RRP12: variants seen among roughly 807,000 people sequenced by gnomAD.
RRP12 encodes RRP12-like protein.
RRP12 carries 78 observed loss-of-function variants against 157.3 expected under a neutral mutation model. The ratio of observed to expected loss-of-function variants is 0.50; its 90% confidence interval spans 0.41 to 0.60. RRP12 has a LOEUF of 0.60. RRP12 is among the 20% of genes least tolerant of loss of function. RRP12 has a pLI of 0.00. For synonymous variants in RRP12, 726 were observed against 670.9 expected (o/e 1.08, Z -1.27); for missense variants, 1,521 against 1,679.9 (o/e 0.91, Z 1.65).
intron 15 of RRP12, among the ~76,000 whole-genome samples, chr10:97,374,463 C>T (rs1297765411): frequency 1.3e-5 from 2 of 151,888 alleles, no homozygotes; most frequent in Non-Finnish European, 2.9e-5. Context: ...CACCCAGCCA[C>T]ATGCCCACTT....
intron 6 of RRP12, among the ~76,000 whole-genome samples, chr10:97,388,966 A>G (rs1844719160): frequency 1.3e-5 from 2 of 152,212 alleles, no homozygotes; most frequent in Non-Finnish European, 2.9e-5. Context: ...CAAGCCAGGC[A>G]CTGTTCTAGG....
chr10:97,401,308 G>A lies in RRP12; in HGVS notation c.-77C>T. The A allele has an allele frequency of 6.4e-7, 1 of 1,572,190 alleles. No individual in the cohort carries two copies. The highest frequency in any genetic ancestry group is 8.7e-7 in the Non-Finnish European group (1 of 1,146,364). On this transcript the variant is annotated 5_prime_UTR_variant, in exon 1 of 34. Transcript: ENST00000370992. ...GTAGAAACACGCTCAGAACCCACGTGGATACCCTGTAGCCTTCACTTCCTC... is the reference window on the plus strand; with the variant it reads ...GTAGAAACACGCTCAGAACCCACGTAGATACCCTGTAGCCTTCACTTCCTC...
rs140078350 is a variant in RRP12, at chr10:97,373,651, G to T, written c.1950C>A (p.Ala650=). The change falls in exon 17 of 34, where the codon GCC becomes GCA. Residue 650 remains alanine (A), a synonymous_variant. Coordinates refer to ENST00000370992, the MANE Select transcript of RRP12 (RefSeq NM_015179.4). ...CCCTCAGGTCTGGACGCTCGCTGAT[G>T]GCCATGCCCAGCGTCCGTGCCAGCC... The part of the protein sequence containing the change: ...FKGLARTLGM[A]ISERPDLRVT... 6.2e-7 allele frequency: 1 copy of T among 1,613,732 alleles called. No homozygotes were observed. The highest frequency in any genetic ancestry group is 2.2e-5 in the East Asian group (1 of 44,888).
At chr10:97,386,636 C>T (rs900667958) in intron 8 of RRP12, among the ~76,000 whole-genome samples, 5 of 152,030 alleles carry the variant, frequency 3.3e-5, no homozygotes, top group African/African-American at 9.7e-5. Context: ...CCCTTTTAAA[C>T]AATGATCATA....
In RRP12 at chr10:97,358,583, C is replaced by G. The variant is rs761971986; in HGVS notation, c.3745G>C (p.Asp1249His). 15 of 1,613,936 alleles carry G rather than the reference C, an allele frequency of 9.3e-6. No homozygotes were observed. The East Asian group carries it at 3.3e-4, about 36-fold the overall frequency. Residue 1249 changes from aspartate (D) to histidine (H), a missense_variant, in exon 33 of 34, where the codon GAT becomes CAT. Transcript: ENST00000370992. Reference protein sequence around the residue: ...KGDVKKKGRPDPYAYIPLNRS... With the variant: ...KGDVKKKGRPHPYAYIPLNRS... ...TTGAGGGGGATGTAGGCATAGGGAT[C>G]CGGCCGGCCTTTCTTCTTCACATCA...
At chr10:97,358,385 A>G in intron 33 of RRP12, 152 bp downstream of exon 33, 1 of 672,452 alleles carries the variant, frequency 1.5e-6, no homozygotes, top group Non-Finnish European at 2.7e-6. Flanking sequence ...GGTAGGTACC[A>G]GCTACATGAT....
At chr10:97,366,377 C>T (rs1284958513) in intron 28 of RRP12, 69 bp downstream of exon 28, 1 of 1,557,010 alleles carries the variant, frequency 6.4e-7, no homozygotes, top group Admixed American at 1.9e-5. Flanking sequence ...CCACCCCCTA[C>T]CCACCACCTG....
At chr10:97,359,274 G>A (rs941821394) in intron 31 of RRP12, among the ~76,000 whole-genome samples, 6 of 152,134 alleles carry the variant, frequency 3.9e-5, no homozygotes, top group African/African-American at 1.2e-4. Flanking sequence ...TATATTCTCC[G>A]CTAACACACT....
intron 13 of RRP12, among the ~76,000 whole-genome samples, chr10:97,380,432 C>A (rs1020145823): frequency 1.3e-5 from 2 of 152,194 alleles, no homozygotes; most frequent in African/African-American, 2.4e-5. Context: ...ACTGGAGGAA[C>A]CTCCGTGGGA....
chr10:97,367,539 T>C (rs1263688061), intron 25 of RRP12, among the ~76,000 whole-genome samples: 2 of 152,218 alleles, frequency 1.3e-5, no homozygotes, highest in African/African-American at 4.8e-5. Flanking sequence ...CAGACTCATC[T>C]AATGCTGCGG....
At chr10:97,361,121 C>T (rs1040319737) in intron 30 of RRP12, among the ~76,000 whole-genome samples, 6 of 152,224 alleles carry the variant, frequency 3.9e-5, no homozygotes, top group Non-Finnish European at 8.8e-5. Context: ...TCCACGGGCT[C>T]TCAGGCGGGT....
At position 97,370,968 on chromosome 10, in the gene RRP12, C is replaced by T. The variant is rs1397899282; in HGVS notation, c.2457G>A (p.Lys819=). 3.1e-6 allele frequency: 5 copies of T among 1,614,094 alleles called. No individual in the cohort carries two copies. The highest frequency in any genetic ancestry group is 4.2e-6 in the Non-Finnish European group (5 of 1,180,010). Residue 819 remains lysine (K), a synonymous_variant, in exon 21 of 34, where the codon AAG becomes AAA. Transcript: ENST00000370992. ...FVQSHLEDLK[K]TLLDSLRSTS... is the part of the protein sequence containing the mutation. ...TGCTCCGCAGCGAGTCCAGCAGTGT[C>T]TTCTTCAGGTCCTCCAGGTGGCTCT...
In RRP12 at chr10:97,373,110, G is replaced by A. The variant is rs368958704; in HGVS notation, c.2117C>T (p.Thr706Ile). 4 of 1,614,046 alleles carry A rather than the reference G, an allele frequency of 2.5e-6. No individual in the cohort carries two copies. The African/African-American group carries it at 4.0e-5, about 16-fold the overall frequency. ...LYGQPVAAGD[T>I]PAPRRAVLET... ...CAGCACAGCCCGGCGAGGGGCTGGA[G>A]TGTCCCCGGCTGCCACGGGCTGCCC... Residue 706 changes from threonine to isoleucine, a missense_variant, in exon 18 of 34, where the codon ACT (threonine) becomes ATT (isoleucine). Coordinates refer to ENST00000370992, the MANE Select transcript of RRP12 (RefSeq NM_015179.4).
chr10:97,386,994 A>G lies in RRP12; in HGVS notation c.1018-1001T>C, dbSNP rs537550509. Among the ~76,000 whole-genome samples the G allele has an allele frequency of 4.5e-4, 68 of 152,240 alleles. 1 individual carries two copies. In the South Asian group the frequency reaches 0.014, roughly 31 times the overall value. On this transcript the variant is annotated intron_variant, in intron 8 of 33. Coordinates refer to ENST00000370992, the MANE Select transcript of RRP12 (RefSeq NM_015179.4). ...GACAGAGCGAGACTCCATCACAAAA[A>G]AAAAAAGAGAGAGAACACACAGTGA...
intron 25 of RRP12, among the ~76,000 whole-genome samples, chr10:97,367,643 C>A (rs777804120): frequency 1.3e-5 from 2 of 152,202 alleles, no homozygotes; most frequent in African/African-American, 4.8e-5. Flanking sequence ...TCCTCTTAAG[C>A]CTTCATCTGG....
chr10:97,366,748 C>A lies in RRP12; in HGVS notation c.3209G>T (p.Gly1070Val), dbSNP rs758075667. The A allele has an allele frequency of 4.5e-5, 73 of 1,613,064 alleles. No individual in the cohort carries two copies. The highest frequency in any genetic ancestry group is 1.2e-5 in the Non-Finnish European group (14 of 1,179,590). ...EEEEEPAQGK[G>V]DSIEEILADS... is the part of the protein sequence containing the mutation. ...GGCCCTAACATGGTCTCACCTGTCA[C>A]CTTTGCCCTGGGCGGGCTCCTCCTC... Residue 1070 changes from glycine to valine, a missense_variant, in exon 27 of 34, where the codon GGT (glycine) becomes GTT (valine). Transcript: ENST00000370992.
At chr10:97,395,117 T>G (rs1487385668) in intron 3 of RRP12, among the ~76,000 whole-genome samples, 1 of 151,872 alleles carries the variant, frequency 6.6e-6, no homozygotes, top group East Asian at 1.9e-4. Context: ...CACTCCAGCC[T>G]GGGCAACAAA....
chr10:97,370,395 G>T, intron 23 of RRP12, 60 bp downstream of exon 23: 3 of 1,411,142 alleles, frequency 2.1e-6, no homozygotes, highest in Middle Eastern at 3.6e-4. Flanking sequence ...TTTTTTGAGG[G>T]GTGCTTCCCC....
intron 2 of RRP12, among the ~76,000 whole-genome samples, chr10:97,399,460 T>C (rs1412363182): frequency 6.6e-6 from 1 of 152,096 alleles, no homozygotes; most frequent in Non-Finnish European, 1.5e-5. Context: ...GGATCTACCA[T>C]CACATTATAT....
Sources: gnomAD v4.1 joint callset for allele counts (sites outside exome capture counted in the v4.1 genomes callset) on GRCh38, gnomAD v4.1.1 for gene constraint, MANE v1.5 for transcripts, NCBI Gene and HGNC (gene_info 2026-07-23, HGNC 2026-07-21) for gene names.